Variants in GNAS observed in about 807,000 individuals in gnomAD.
GNAS encodes GNAS complex locus.
Under a neutral mutation model 54.5 loss-of-function variants are expected in GNAS, and 8 were observed. That is an observed-to-expected ratio of 0.15 (90% CI 0.09 to 0.26). The LOEUF (loss-of-function observed/expected upper bound fraction) is 0.26, where lower values mean the gene tolerates loss of function less well. GNAS is among the 10% of genes least tolerant of loss of function. GNAS has a pLI of 1.00. For synonymous variants in GNAS, 204 were observed against 191.4 expected (o/e 1.07, Z -0.54); for missense variants, 170 against 529.8 (o/e 0.32, Z 6.67).
At chr20:58,854,232 G>A (rs773471190) in intron 1 of GNAS, 1 of 1,613,254 alleles carries the variant, frequency 6.2e-7, no homozygotes, top group South Asian at 1.1e-5. Flanking sequence ...CGACACTCCC[G>A]TCAACATGGA....
chr20:58,908,419 C>G (rs141594606), intron 6 of GNAS, among the ~76,000 whole-genome samples: 9 of 152,050 alleles, frequency 5.9e-5, no homozygotes, highest in African/African-American at 1.7e-4. Flanking sequence ...TTCAGGATGG[C>G]TAGGGCGAGA....
chr20:58,840,957 GAAGGA>G lies in GNAS; in HGVS notation c.43+76_43+80del. 1.3e-6 allele frequency: 2 copies of G among 1,524,730 alleles called. No homozygotes were observed. The highest frequency in any genetic ancestry group is 1.8e-6 in the Non-Finnish European group (2 of 1,112,810). The allele number at this position is 1,524,730 out of a possible 1,614,324, so 94.5% of individuals were successfully genotyped here. A position where few individuals can be genotyped will look rare whatever the true frequency, so the allele number is the denominator to read the frequency against. On this transcript the variant is annotated intron_variant, in intron 1 of 12. Transcript: ENST00000306090. The surrounding 1 kb of genome is among the most constrained non-coding windows in gnomAD (Gnocchi z 6.0). ...AGCAGCGCAGGTGGAAAGGAGGTGA[GAAGGA>G]AAGGCAGGTCAGGGGCGAGTGGGAA... is the stretch of plus-strand genomic sequence containing the variant.
chr20:58,868,211 G>A (rs2087184531), intron 1 of GNAS, among the ~76,000 whole-genome samples: 1 of 152,048 alleles, frequency 6.6e-6, no homozygotes, highest in Admixed American at 6.5e-5. Context: ...GTAGTGATGG[G>A]GTTCTCCATG....
intron 1 of GNAS, chr20:58,843,192 C>CCCTCCCCCGCTCAATTCT (rs1171470335): frequency 3.4e-5 from 5 of 146,784 alleles, no homozygotes; most frequent in African/African-American, 1.0e-4. Flanking sequence ...CGCTCAATTC[C>CCCTCCCCCGCTCAATTCT]CCTCCCCCGC....
chr20:58,855,020 C>A, intron 1 of GNAS: 3 of 1,612,872 alleles, frequency 1.9e-6, no homozygotes, highest in Non-Finnish European at 2.5e-6. Context: ...ACGATGGGAC[C>A]TCCGGATGCC....
intron 3 of GNAS, among the ~76,000 whole-genome samples, chr20:58,901,806 C>G (rs868823341): frequency 1.3e-5 from 2 of 149,302 alleles, no homozygotes; most frequent in Admixed American, 6.7e-5. Context: ...GAAGGCCTGT[C>G]GACAGGCCCG....
intron 1 of GNAS, among the ~76,000 whole-genome samples, chr20:58,870,864 T>C: frequency 6.6e-6 from 1 of 152,222 alleles, no homozygotes; most frequent in African/African-American, 2.4e-5. Context: ...TTCTTCTAGT[T>C]GTATTTATTG....
chr20:58,854,210 C>T lies in GNAS; in HGVS notation c.43+13324C>T, dbSNP rs531441755. The T allele has an allele frequency of 2.5e-5, 40 of 1,613,168 alleles. No individual in the cohort carries two copies. In the African/African-American group the frequency reaches 4.1e-4, roughly 17 times the overall value. On this transcript the variant is annotated intron_variant, in intron 1 of 12. Coordinates refer to the GNAS transcript ENST00000306090. ...CCCCGTTCGAGATTGGCAGCGCCCC[C>T]GCTGGGGTCGACGACACTCCCGTCA...
chr20:58,908,782 C>T (rs2091246032), intron 6 of GNAS: 1 of 283,894 alleles, frequency 3.5e-6, no homozygotes, highest in African/African-American at 2.2e-5. Flanking sequence ...CAGAGAGCAA[C>T]AGGAATAAAG....
rs1340858544 is a variant in GNAS, at chr20:58,910,190, T to C, written c.970+109T>C. 2 of 1,361,016 alleles carry C rather than the reference T, an allele frequency of 1.5e-6. No homozygotes were observed. Among genetic ancestry groups the C allele is most frequent in the Non-Finnish European group, 2.1e-6 (2 of 949,552 alleles). 84.3% of individuals were successfully genotyped at this position (1,361,016 alleles called of 1,614,324 possible). On this transcript the variant is annotated intron_variant, in intron 11 of 12. Coordinates refer to ENST00000371085, the MANE Select transcript of GNAS (RefSeq NM_000516.7). This position sits in a 1 kb window ranked among gnomAD's most constrained non-coding sequence, Gnocchi z 5.8. The stretch of plus-strand genomic sequence containing the variant: ...CCACCACCAAACCATAAAGGATCTA[T>C]AAGAGAAGCAAGAAAAACGCACTCC...
At position 58,895,673 on chromosome 20, in the gene GNAS, G is replaced by A. The variant is rs375763287; in HGVS notation, c.201G>A (p.Gly67=). The change falls in exon 2 of 13, where the codon GGG becomes GGA. Residue 67 remains glycine (G), a synonymous_variant. Transcript: ENST00000371085. ...AGATGAGGATCCTGCATGTTAATGG[G>A]TTTAATGGAGAGTAAGTGTCAAATC... The part of the protein sequence containing the change: ...VKQMRILHVN[G]FNGEGGEEDP... The A allele has an allele frequency of 2.5e-5, 40 of 1,575,092 alleles. No homozygotes were observed. The highest frequency in any genetic ancestry group is 4.5e-5 in the East Asian group (2 of 44,704).
At chr20:58,862,546 C>T (rs1384560593) in intron 1 of GNAS, among the ~76,000 whole-genome samples, 1 of 149,290 alleles carries the variant, frequency 6.7e-6, no homozygotes, top group Admixed American at 6.7e-5. Flanking sequence ...GGTTAGTTTT[C>T]TGTTGTTGCT....
Position 58,873,251 on chromosome 20 carries a change from G to A in GNAS, c.44-22361G>A, listed in dbSNP as rs1327184545. Among the ~76,000 whole-genome samples the A allele has an allele frequency of 6.6e-6, 1 of 152,174 alleles. No individual in the cohort carries two copies. The highest frequency in any genetic ancestry group is 1.5e-5 in the Non-Finnish European group (1 of 68,024). On this transcript the variant is annotated intron_variant, in intron 1 of 12. Coordinates refer to the GNAS transcript ENST00000306090. This position sits in a 1 kb window ranked among gnomAD's most constrained non-coding sequence, Gnocchi z 4.3. ...TCTGTGACATTTTGGAATTGTCAGG[G>A]AGTTAGGGGTCACGGTGGTTCTTCA...
rs2089308022 is a variant in GNAS, at chr20:58,891,522, GT to G, written c.-204del. 2.0e-6 allele frequency: 2 copies of G among 976,038 alleles called. No homozygotes were observed. The highest frequency in any genetic ancestry group is 2.4e-6 in the Non-Finnish European group (2 of 824,682). 60.5% of individuals were successfully genotyped at this position (976,038 alleles called of 1,614,324 possible). ...GGCGGGGAGCTGCGCGCGCCCCTCG[GT>G]CCGACCGACACCCTCCCCTTCCCGC... is the stretch of plus-strand genomic sequence containing the variant. On this transcript the variant is annotated 5_prime_UTR_variant, in exon 1 of 13. Transcript: ENST00000371085.
At chr20:58,840,600 C>G (rs765971891), upstream of GNAS, 8 of 1,610,482 alleles carry the variant, frequency 5.0e-6, no homozygotes, top group South Asian at 2.2e-5. The surrounding 1 kb of genome is among the most constrained non-coding windows in gnomAD (Gnocchi z 6.0). Context: ...CGTCTGCACG[C>G]TCTCAAGTTG....
Position 58,909,826 on chromosome 20 carries a change from C to G in GNAS, c.839+22C>G. On this transcript the variant is annotated intron_variant, in intron 10 of 12. Transcript: ENST00000371085. This position sits in a 1 kb window ranked among gnomAD's most constrained non-coding sequence, Gnocchi z 7.3. ...ACAGGTTTGTGGAGTGACCGCCCAC[C>G]CCCTGCGCTTGCCCAGGAGGCCCTG... 2 of 1,612,860 alleles carry G rather than the reference C, an allele frequency of 1.2e-6. No individual in the cohort carries two copies. Among genetic ancestry groups the G allele is most frequent in the Non-Finnish European group, 1.7e-6 (2 of 1,179,952 alleles).
intron 1 of GNAS, chr20:58,855,606 A>AGC (rs770951793): frequency 1.4e-6 from 1 of 714,422 alleles, no homozygotes. Context: ...TGGACAGGCC[A>AGC]GCGCCAGCAA....
intron 1 of GNAS, among the ~76,000 whole-genome samples, chr20:58,869,052 G>A (rs902396699): frequency 9.2e-5 from 14 of 152,158 alleles, no homozygotes; most frequent in African/African-American, 3.1e-4. Context: ...TTTCAGTTGA[G>A]CAATTGACAT....
chr20:58,847,852 C>T (rs1451184849), intron 1 of GNAS, among the ~76,000 whole-genome samples: 1 of 152,136 alleles, frequency 6.6e-6, no homozygotes, highest in Non-Finnish European at 1.5e-5. Flanking sequence ...ATGCCTTATG[C>T]TTTTGGTAAT....
Sources: gnomAD v4.1 joint callset for allele counts (sites outside exome capture counted in the v4.1 genomes callset) on GRCh38, gnomAD v4.1.1 for gene constraint, Gnocchi (gnomAD v3.1) non-coding constraint, MANE v1.5 for transcripts, NCBI Gene and HGNC (gene_info 2026-07-23, HGNC 2026-07-21) for gene names.